RYR2: variants seen among roughly 807,000 people sequenced by gnomAD.
RYR2 encodes cardiac muscle ryanodine receptor-calcium release channel.
Under a neutral mutation model 601.1 loss-of-function variants are expected in RYR2, and 227 were observed. That is an observed-to-expected ratio of 0.38 (90% CI 0.34 to 0.42). RYR2 has a LOEUF of 0.42. Among genes scored for constraint, RYR2 ranks in the 10% least tolerant of loss-of-function variants. The pLI is 1.00. For missense variants in RYR2, 4,646 were observed against 6,156.5 expected, an observed-to-expected ratio of 0.75 and a Z score of 8.21; for synonymous variants, 2,223 against 2,175.1, an observed-to-expected ratio of 1.02 and a Z score of -0.61.
At chr1:237,351,399 C>T (rs1297930441) in intron 3 of RYR2, among the ~76,000 whole-genome samples, 1 of 151,862 alleles carries the variant, frequency 6.6e-6, no homozygotes, top group Admixed American at 6.6e-5. Flanking sequence ...ATAAATCATT[C>T]AAGCCAATAG....
At chr1:237,693,691 G>GT (rs906484784) in intron 63 of RYR2, among the ~76,000 whole-genome samples, 16 of 152,048 alleles carry the variant, frequency 1.1e-4, no homozygotes, top group Admixed American at 9.2e-4. Context: ...AAAATATTCA[G>GT]TTTTTTTCTA....
intron 58 of RYR2, among the ~76,000 whole-genome samples, chr1:237,669,734 G>A (rs1169420735): frequency 4.0e-5 from 6 of 151,152 alleles, no homozygotes; most frequent in African/African-American, 1.2e-4. Flanking sequence ...ATGTGATGGC[G>A]GCTGGGAAGA....
At chr1:237,055,652 G>A (rs771715125) in intron 1 of RYR2, among the ~76,000 whole-genome samples, 41 of 152,300 alleles carry the variant, frequency 2.7e-4, no homozygotes, top group Non-Finnish European at 4.7e-4. Flanking sequence ...GGTTTCAGGG[G>A]AAGGCAGTGG....
chr1:237,375,040 A>C (rs1319783316), intron 7 of RYR2, among the ~76,000 whole-genome samples: 1 of 152,234 alleles, frequency 6.6e-6, no homozygotes, highest in African/African-American at 2.4e-5. Context: ...TTTGGATAGA[A>C]AATTAATATT....
At chr1:237,496,240 C>T (rs1251800557) in intron 19 of RYR2, among the ~76,000 whole-genome samples, 1 of 152,002 alleles carries the variant, frequency 6.6e-6, no homozygotes, top group Non-Finnish European at 1.5e-5. Context: ...CTCATCTCTA[C>T]TAAAAATAAA....
intron 1 of RYR2, among the ~76,000 whole-genome samples, chr1:237,209,420 G>GAT (rs1682308796): frequency 6.6e-6 from 1 of 151,024 alleles, no homozygotes. Flanking sequence ...ATGACATATA[G>GAT]ATATATATGT....
intron 1 of RYR2, among the ~76,000 whole-genome samples, chr1:237,203,499 C>T (rs1290171597): frequency 6.6e-6 from 1 of 152,056 alleles, no homozygotes; most frequent in African/African-American, 2.4e-5. Flanking sequence ...TAAATGAAAT[C>T]TTTAATAAAT....
chr1:237,416,971 T>C (rs1705066224), intron 10 of RYR2, 78 bp from the exon 11 acceptor site: 2 of 1,300,934 alleles, frequency 1.5e-6, no homozygotes, highest in South Asian at 2.5e-5. Context: ...TCTCTCCTAA[T>C]TAGCTTCAAA....
At chr1:237,192,777 T>C (rs546818403) in intron 1 of RYR2, among the ~76,000 whole-genome samples, 1 of 152,336 alleles carries the variant, frequency 6.6e-6, no homozygotes, top group East Asian at 1.9e-4. Flanking sequence ...CCAGTTGTTT[T>C]GATTTTTATT....
At position 237,232,681 on chromosome 1, in the gene RYR2, C is replaced by A. The variant is rs556013244; in HGVS notation, c.49-37816C>A. Among the ~76,000 whole-genome samples, 4 of 152,032 alleles carry A rather than the reference C, an allele frequency of 2.6e-5. 1 individual carries two copies. Among genetic ancestry groups the A allele is most frequent in the African/African-American group, 9.7e-5 (4 of 41,382 alleles). ...AAGGCCCTACGTCTGGACTGGTTAC[C>A]AGTGAGAAGTAGGGGGCAGTCTTGG... On this transcript the variant is annotated intron_variant, in intron 1 of 104. Coordinates refer to ENST00000366574, the MANE Select transcript of RYR2 (RefSeq NM_001035.3).
chr1:237,802,943 T>A (rs1660146008), intron 98 of RYR2, among the ~76,000 whole-genome samples: 2 of 152,220 alleles, frequency 1.3e-5, no homozygotes, highest in Admixed American at 6.5e-5. Context: ...TTCTGCTATT[T>A]TAGTAGGCTT....
chr1:237,600,640 A>G (rs944341292), intron 34 of RYR2, among the ~76,000 whole-genome samples: 6 of 129,004 alleles, frequency 4.7e-5, no homozygotes, highest in Middle Eastern at 3.5e-3. Context: ...CAGCCAAGGA[A>G]ACAATTAACA....
intron 76 of RYR2, among the ~76,000 whole-genome samples, chr1:237,728,228 A>T (rs777629565): frequency 3.9e-5 from 6 of 152,180 alleles, no homozygotes; most frequent in Non-Finnish European, 5.9e-5. Context: ...TAGAGGAAAC[A>T]TCATACTTTT....
At chr1:237,042,646 ACAGCGGG>A in intron 1 of RYR2, 77 bp downstream of exon 1, 1 of 1,227,666 alleles carries the variant, frequency 8.1e-7, no homozygotes, top group Non-Finnish European at 1.0e-6. Context: ...GGGCAGAGTG[ACAGCGGG>A]CAGCGGGGAC....
intron 32 of RYR2, among the ~76,000 whole-genome samples, chr1:237,592,522 A>T (rs1378095740): frequency 6.6e-6 from 1 of 151,878 alleles, no homozygotes; most frequent in Non-Finnish European, 1.5e-5. Flanking sequence ...AATCCCAGCT[A>T]CTAGGGAGGC....
At chr1:237,403,717 C>A (rs933247373) in intron 10 of RYR2, among the ~76,000 whole-genome samples, 5 of 152,198 alleles carry the variant, frequency 3.3e-5, no homozygotes, top group African/African-American at 1.2e-4. Context: ...TGAGCTACTG[C>A]ACCCAGACCT....
chr1:237,709,122 A>G, intron 69 of RYR2, 24 bp downstream of exon 69: 1 of 1,530,552 alleles, frequency 6.5e-7, no homozygotes, highest in Non-Finnish European at 8.8e-7. Context: ...TAATTTAGTA[A>G]TTTCTCCAAT....
intron 1 of RYR2, among the ~76,000 whole-genome samples, chr1:237,066,268 C>A (rs1252831875): frequency 6.6e-6 from 1 of 152,180 alleles, no homozygotes; most frequent in Non-Finnish European, 1.5e-5. Context: ...CAGTTTTTGG[C>A]TATTACAATG....
At chr1:237,715,288 G>T (rs964846955) in intron 71 of RYR2, among the ~76,000 whole-genome samples, 1 of 152,108 alleles carries the variant, frequency 6.6e-6, no homozygotes, top group Non-Finnish European at 1.5e-5. Flanking sequence ...GCATAGTTTG[G>T]GGAGGAAATA....
Sources: gnomAD v4.1 joint callset for allele counts (sites outside exome capture counted in the v4.1 genomes callset) on GRCh38, gnomAD v4.1.1 for gene constraint, MANE v1.5 for transcripts, NCBI Gene and HGNC (gene_info 2026-07-23, HGNC 2026-07-21) for gene names.